The following PPP4R3A variants were observed in gnomAD, a reference collection of about 807,000 sequenced individuals.
PPP4R3A encodes serine/threonine-protein phosphatase 4 regulatory subunit 3A.
In PPP4R3A, 15 loss-of-function variants were observed where a neutral mutation model predicts 91.7. The observed-to-expected ratio is 0.16, with a 90% CI of 0.11 to 0.25. PPP4R3A has a LOEUF of 0.25. PPP4R3A is among the 10% of genes least tolerant of loss of function. The pLI is 1.00. For missense variants in PPP4R3A, 623 were observed against 998.4 expected (o/e 0.62, Z 5.07); for synonymous variants, 377 against 348.7 (o/e 1.08, Z -0.91).
Position 91,482,151 on chromosome 14 carries a change from C to T in PPP4R3A, c.340G>A (p.Val114Met), listed in dbSNP as rs1198339093. 3 of 1,614,008 alleles carry T rather than the reference C, an allele frequency of 1.9e-6. No individual in the cohort carries two copies. Among genetic ancestry groups the T allele is most frequent in the East Asian group, 2.2e-5 (1 of 44,872 alleles). ...DPSVDITQDL[V>M]DESEEERFDD... Reference sequence around the variant, plus strand: ...AAACGCTCCTCTTCAGATTCATCCACAAGGTCCTGAGTGATGTCCACGGAA... The same window carrying T: ...AAACGCTCCTCTTCAGATTCATCCATAAGGTCCTGAGTGATGTCCACGGAA... The change falls in exon 4 of 15, where the codon GTG becomes ATG. Residue 114 changes from valine (V) to methionine (M), a missense_variant. Val to Met is a conservative substitution (Grantham distance 21). Coordinates refer to ENST00000554943, the MANE Select transcript of PPP4R3A (RefSeq NM_001366432.2).
chr14:91,461,558 T>A lies in PPP4R3A; in HGVS notation c.2214A>T (p.Gly738=). ...AAAGCTTGAAACTTGGGCTCTGCCG[T>A]CCAGAAAGGTTTGTTTTCAGAAGCA... ...KEVLLKTNLS[G]RQSPSFKLSL... is the part of the protein sequence containing the mutation. The change falls in exon 14 of 15, where the codon GGA becomes GGT. Residue 738 remains glycine (G), a synonymous_variant. Transcript: ENST00000554943. The A allele has an allele frequency of 3.1e-6, 5 of 1,614,084 alleles. No homozygotes were observed. Among genetic ancestry groups the A allele is most frequent in the Non-Finnish European group, 3.4e-6 (4 of 1,179,946 alleles).
chr14:91,461,636 T>TCC, intron 13 of PPP4R3A, 29 bp from the exon 14 acceptor site: 1 of 1,594,996 alleles, frequency 6.3e-7, no homozygotes, highest in African/African-American at 1.3e-5. Context: ...TCAATAGTCG[T>TCC]CCCCCATACT....
chr14:91,508,784 C>T (rs1055218143), intron 1 of PPP4R3A, among the ~76,000 whole-genome samples: 3 of 152,218 alleles, frequency 2.0e-5, no homozygotes, highest in African/African-American at 7.2e-5. Flanking sequence ...CTGCCAACTT[C>T]TCTGCACCTG....
Position 91,509,698 on chromosome 14 carries a change from A to G in PPP4R3A, c.-51T>C, listed in dbSNP as rs751514898. The G allele has an allele frequency of 1.3e-5, 20 of 1,574,706 alleles. No homozygotes were observed. In the African/African-American group the frequency reaches 2.6e-4, roughly 20 times the overall value. On this transcript the variant is annotated 5_prime_UTR_variant, in exon 1 of 15. Transcript: ENST00000554943. ...GGCCCCGCCAGTAGACGCCCAGGAA[A>G]GGGGCCCTGGAGAGGCGAGGGGCGA...
chr14:91,465,856 A>G (rs1463251099), intron 10 of PPP4R3A, among the ~76,000 whole-genome samples: 1 of 151,932 alleles, frequency 6.6e-6, no homozygotes, highest in African/African-American at 2.4e-5. Flanking sequence ...ATTTTTGGAC[A>G]CTCTTATTAT....
chr14:91,481,499 CA>C, intron 4 of PPP4R3A, 76 bp downstream of exon 4: 1 of 1,395,970 alleles, frequency 7.2e-7, no homozygotes, highest in Non-Finnish European at 9.5e-7. Flanking sequence ...AATTAAAACT[CA>C]ATGTATGTAT....
At position 91,509,784 on chromosome 14, in the gene PPP4R3A, G is replaced by A. The variant is rs942709355; in HGVS notation, c.-137C>T. On this transcript the variant is annotated 5_prime_UTR_variant, in exon 1 of 15. Transcript: ENST00000554943. ...CCTCACTGCCGCCGCTGGGCGCCGC[G>A]GGGCCGCGCCGCCGCCTGCATGGCC... is the stretch of plus-strand genomic sequence containing the variant. 4.8e-6 allele frequency: 6 copies of A among 1,257,062 alleles called. No individual in the cohort carries two copies. The highest frequency in any genetic ancestry group is 5.6e-5 in the South Asian group (2 of 35,600). The allele number at this position is 1,257,062 out of a possible 1,614,324, so 77.9% of individuals were successfully genotyped here. A position where few individuals can be genotyped will look rare whatever the true frequency, so the allele number is the denominator to read the frequency against.
intron 2 of PPP4R3A, 50 bp from the exon 3 acceptor site, chr14:91,485,780 C>T (rs898664710): frequency 8.2e-6 from 10 of 1,222,302 alleles, no homozygotes; most frequent in Middle Eastern, 2.0e-4. Context: ...CTATCACAAA[C>T]GAAAATGAAC....
At position 91,470,985 on chromosome 14, in the gene PPP4R3A, C is replaced by G. The variant is rs1317806903; in HGVS notation, c.1512G>C (p.Gln504His). ...ATACAAGTGCCAATAGTTGGGCAGT[C>G]TGAAAATCATCTAAAAGAAACAAAA... Reference protein sequence around the residue: ...TEDKPSKDDFQTAQLLALVLE... With the variant: ...TEDKPSKDDFHTAQLLALVLE... Residue 504 changes from glutamine to histidine, a missense_variant, in exon 10 of 15, where the codon CAG (glutamine) becomes CAC (histidine). By Grantham distance (24) the Gln-to-His change is conservative. Transcript: ENST00000554943. 1.3e-6 allele frequency: 2 copies of G among 1,583,954 alleles called. No homozygotes were observed. The highest frequency in any genetic ancestry group is 1.4e-5 in the African/African-American group (1 of 73,040).
intron 14 of PPP4R3A, among the ~76,000 whole-genome samples, chr14:91,460,889 G>C (rs1053512661): frequency 2.0e-5 from 3 of 152,126 alleles, no homozygotes; most frequent in African/African-American, 7.2e-5. Context: ...AAAGTGCTGG[G>C]ATTACAGGCG....
chr14:91,458,768 A>G lies in PPP4R3A; in HGVS notation c.2493T>C (p.Phe831=), dbSNP rs199887478. 6.2e-7 allele frequency: 1 copy of G among 1,614,100 alleles called. No homozygotes were observed. Among genetic ancestry groups the G allele is most frequent in the African/African-American group, 1.3e-5 (1 of 75,004 alleles). ...TAGGCCGTTGCCATTATTATGAATC[A>G]AATTTTGCTTTCTTTGACAATGGTA... ...DTLPLSKKAK[F]DS Residue 831 remains phenylalanine, a synonymous_variant, in exon 15 of 15, where the codon TTT becomes TTC. Transcript: ENST00000554943.
At chr14:91,469,946 A>G (rs79078333) in intron 10 of PPP4R3A, among the ~76,000 whole-genome samples, 3 of 142,862 alleles carry the variant, frequency 2.1e-5, no homozygotes, top group African/African-American at 7.8e-5. Flanking sequence ...AAGGATTTTT[A>G]AAAAATCAAT....
At chr14:91,488,727 T>C (rs577538967) in intron 2 of PPP4R3A, among the ~76,000 whole-genome samples, 54 of 152,188 alleles carry the variant, frequency 3.5e-4, no homozygotes, top group African/African-American at 1.2e-3. Context: ...CAAAATAGCA[T>C]GGAATGAAAA....
chr14:91,478,191 T>C (rs1320928588), intron 4 of PPP4R3A, among the ~76,000 whole-genome samples: 1 of 152,254 alleles, frequency 6.6e-6, no homozygotes, highest in Non-Finnish European at 1.5e-5. Context: ...AATATGATCT[T>C]GACCATGTTT....
Position 91,473,376 on chromosome 14 carries a change from G to A in PPP4R3A, c.1267-6C>T, listed in dbSNP as rs1888969501. ...AGGTTGATGAGCAAAATATCCTGGA[G>A]AGAAAAATAGACATACTCAGGATCA... On this transcript the variant is annotated splice_region_variant and splice_polypyrimidine_tract_variant and intron_variant, in intron 7 of 14. Transcript: ENST00000554943. The A allele has an allele frequency of 1.2e-6, 2 of 1,603,956 alleles. No homozygotes were observed. Among genetic ancestry groups the A allele is most frequent in the Non-Finnish European group, 1.7e-6 (2 of 1,177,108 alleles).
chr14:91,463,072 CT>C (rs371641390), intron 11 of PPP4R3A, among the ~76,000 whole-genome samples, 195 bp from the exon 12 acceptor site: 284 of 148,282 alleles, frequency 1.9e-3, no homozygotes, highest in African/African-American at 6.6e-3. Context: ...ATCTATGGGT[CT>C]TTTTTTTTTG....
chr14:91,504,721 A>T (rs1459252888), intron 1 of PPP4R3A, among the ~76,000 whole-genome samples: 1 of 152,232 alleles, frequency 6.6e-6, no homozygotes, highest in Non-Finnish European at 1.5e-5. Context: ...TTAGTGGGAC[A>T]TCCCTTTTCC....
intron 2 of PPP4R3A, among the ~76,000 whole-genome samples, 155 bp downstream of exon 2, chr14:91,490,592 A>C (rs1444177783): frequency 6.6e-6 from 1 of 152,144 alleles, no homozygotes; most frequent in Admixed American, 6.5e-5. Flanking sequence ...TTATTGTATT[A>C]AACACTATAG....
chr14:91,472,013 C>T (rs1017086960), intron 9 of PPP4R3A, among the ~76,000 whole-genome samples: 2 of 136,096 alleles, frequency 1.5e-5, no homozygotes, highest in Non-Finnish European at 1.5e-5. Flanking sequence ...TGCAGTGAGC[C>T]GAGATCCCGC....
Sources: gnomAD v4.1 joint callset for allele counts (sites outside exome capture counted in the v4.1 genomes callset) on GRCh38, gnomAD v4.1.1 for gene constraint, MANE v1.5 for transcripts, NCBI Gene and HGNC (gene_info 2026-07-23, HGNC 2026-07-21) for gene names.